FER: variants seen among roughly 807,000 people sequenced by gnomAD.
FER encodes tyrosine-protein kinase Fer.
FER carries 63 observed loss-of-function variants against 111.0 expected under a neutral mutation model. The ratio of observed to expected loss-of-function variants is 0.57; its 90% confidence interval spans 0.46 to 0.70. The LOEUF (loss-of-function observed/expected upper bound fraction) is 0.70. Among genes scored for constraint, FER ranks in the 30% least tolerant of loss-of-function variants. The pLI is 0.00. For synonymous variants in FER, 327 were observed against 313.9 expected (o/e 1.04, Z -0.44); for missense variants, 914 against 954.0 (o/e 0.96, Z 0.55).
chr5:108,787,069 G>A (rs1028612269), intron 2 of FER, among the ~76,000 whole-genome samples: 1 of 151,990 alleles, frequency 6.6e-6, no homozygotes, highest in African/African-American at 2.4e-5. Context: ...GTGCTCCTGG[G>A]TGCAGCTGCA....
At chr5:109,123,367 G>A (rs766898810) in intron 17 of FER, among the ~76,000 whole-genome samples, 9 of 151,638 alleles carry the variant, frequency 5.9e-5, no homozygotes, top group East Asian at 3.9e-4. Flanking sequence ...CGTGTTAGCC[G>A]GGATGGTCTC....
At chr5:109,099,702 A>T (rs938363620) in intron 16 of FER, among the ~76,000 whole-genome samples, 2 of 151,584 alleles carry the variant, frequency 1.3e-5, no homozygotes, top group Admixed American at 6.6e-5. Context: ...ATTTTTAAAA[A>T]TTTTTTAAAA....
chr5:108,783,134 G>T (rs1469266182), intron 2 of FER, among the ~76,000 whole-genome samples: 1 of 152,066 alleles, frequency 6.6e-6, no homozygotes, highest in East Asian at 1.9e-4. Context: ...ACAGGTCCGT[G>T]AGGCTTTCTT....
intron 13 of FER, among the ~76,000 whole-genome samples, chr5:109,000,202 G>A (rs73211584): frequency 0.061 from 9,301 of 151,576 alleles, 688 homozygotes; most frequent in African/African-American, 0.17. Flanking sequence ...GACACAAATG[G>A]AAGAACCATA....
intron 5 of FER, among the ~76,000 whole-genome samples, chr5:108,837,901 C>T (rs1760832299): frequency 6.6e-6 from 1 of 152,020 alleles, no homozygotes; most frequent in African/African-American, 2.4e-5. Context: ...AAAAATTATA[C>T]AAGCTTAGTT....
chr5:109,191,046 A>C lies in FER; in HGVS notation c.*3471A>C, dbSNP rs937343439. 1.3e-5 allele frequency: 2 copies of C among 152,204 alleles called. No homozygotes were observed. The highest frequency in any genetic ancestry group is 2.4e-5 in the African/African-American group (1 of 41,458). The allele number at this position is 152,204 out of a possible 1,614,324, so 9.4% of individuals were successfully genotyped here. On this transcript the variant is annotated 3_prime_UTR_variant, in exon 20 of 20. Coordinates refer to ENST00000281092, the MANE Select transcript of FER (RefSeq NM_005246.4). The stretch of plus-strand genomic sequence containing the variant: ...TTTTGTGAAGATTGGCTAGTACCAC[A>C]AAATAACTATGGCTTCACAATACTA...
intron 5 of FER, among the ~76,000 whole-genome samples, chr5:108,845,122 T>C (rs1409880358): frequency 1.4e-5 from 2 of 141,170 alleles, no homozygotes; most frequent in Non-Finnish European, 3.1e-5. Context: ...TTAACTTTTA[T>C]CCTATGGACT....
At chr5:108,956,166 A>C (rs1309283396) in intron 12 of FER, among the ~76,000 whole-genome samples, 2 of 151,582 alleles carry the variant, frequency 1.3e-5, no homozygotes, top group African/African-American at 4.8e-5. Flanking sequence ...ATAATGTGTC[A>C]TTTTTTATTT....
chr5:108,992,130 C>T (rs991954732), intron 13 of FER, among the ~76,000 whole-genome samples: 4 of 152,036 alleles, frequency 2.6e-5, no homozygotes, highest in Admixed American at 6.6e-5. Context: ...CATCTTGCAC[C>T]GCCCTTAATC....
intron 10 of FER, among the ~76,000 whole-genome samples, chr5:108,910,852 A>G (rs1461197392): frequency 1.3e-5 from 2 of 152,144 alleles, no homozygotes; most frequent in African/African-American, 4.8e-5. Context: ...AGTATTCCAT[A>G]GGGTATATAT....
chr5:108,984,212 A>C (rs942635091), intron 13 of FER, among the ~76,000 whole-genome samples: 2 of 152,100 alleles, frequency 1.3e-5, no homozygotes, highest in Non-Finnish European at 2.9e-5. Context: ...TACCATTCTT[A>C]TTTCTTAAAA....
In FER at chr5:108,954,937, G is replaced by A. The variant is rs369135972; in HGVS notation, c.1533+5G>A. 3 of 1,597,414 alleles carry A rather than the reference G, an allele frequency of 1.9e-6. No homozygotes were observed. The highest frequency in any genetic ancestry group is 1.7e-6 in the Non-Finnish European group (2 of 1,171,010). Reference sequence around the variant, plus strand: ...TTTATCATACAATATGTTGATGTACGTTTCCAGTTTAGTTCATATGTATAT... The same window carrying A: ...TTTATCATACAATATGTTGATGTACATTTCCAGTTTAGTTCATATGTATAT... On this transcript the variant is annotated splice_donor_5th_base_variant and intron_variant, in intron 12 of 19. Transcript: ENST00000281092.
At chr5:108,765,877 G>A (rs1752263774) in intron 1 of FER, among the ~76,000 whole-genome samples, 1 of 152,008 alleles carries the variant, frequency 6.6e-6, no homozygotes, top group Admixed American at 6.6e-5. Context: ...CTATACCCTG[G>A]GGATTTAATT....
chr5:109,003,471 T>C (rs542156451), intron 13 of FER, among the ~76,000 whole-genome samples: 101 of 152,042 alleles, frequency 6.6e-4, no homozygotes, highest in Non-Finnish European at 1.1e-3. Flanking sequence ...TGTTGTGGGT[T>C]GGGAGGAGCG....
chr5:108,927,256 T>TTTTTTTTTTTTTTTTTTTTTTTTG, intron 10 of FER, among the ~76,000 whole-genome samples: 1 of 106,472 alleles, frequency 9.4e-6, no homozygotes, highest in Non-Finnish European at 1.8e-5. Context: ...GTGGCTCTTT[T>TTTTTTTTTTTTTTTTTTTTTTTTG]TTTTTTTTTT....
At chr5:109,013,415 A>G (rs576545680) in intron 13 of FER, among the ~76,000 whole-genome samples, 185 of 151,810 alleles carry the variant, frequency 1.2e-3, no homozygotes, top group African/African-American at 4.2e-3. Flanking sequence ...GAACTCATCA[A>G]TTTTTATAGC....
At chr5:108,985,258 T>C (rs1268266945) in intron 13 of FER, among the ~76,000 whole-genome samples, 1 of 152,158 alleles carries the variant, frequency 6.6e-6, no homozygotes, top group African/African-American at 2.4e-5. Context: ...ATAGATTTTA[T>C]TTTTTGAAAC....
intron 13 of FER, among the ~76,000 whole-genome samples, chr5:109,003,836 T>A (rs1460976154): frequency 6.6e-6 from 1 of 152,016 alleles, no homozygotes; most frequent in Non-Finnish European, 1.5e-5. Flanking sequence ...TAAAATTTGC[T>A]GGGCATGGTG....
chr5:109,005,247 A>T lies in FER; in HGVS notation c.1657-32175A>T, dbSNP rs76723031. Among the ~76,000 whole-genome samples the T allele has an allele frequency of 1.0e-2, 1,514 of 152,130 alleles. 21 individuals are homozygous for T. The highest frequency in any genetic ancestry group is 0.035 in the African/African-American group (1,444 of 41,492). On this transcript the variant is annotated intron_variant, in intron 13 of 19. Coordinates refer to ENST00000281092, the MANE Select transcript of FER (RefSeq NM_005246.4). ...GAATCTAACTGGAGGTCCATCAACA[A>T]GACAGTCCTCAAGTGAAGTCTGAGG...
Sources: allele counts gnomAD v4.1 joint callset (sites outside exome capture counted in the v4.1 genomes callset), GRCh38; gene constraint gnomAD v4.1.1; transcripts MANE v1.5; gene names NCBI Gene and HGNC (gene_info 2026-07-23, HGNC 2026-07-21).